The following OTOGL variants were observed in gnomAD, a reference collection of about 807,000 sequenced individuals.
OTOGL encodes otogelin-like protein.
Under a neutral mutation model 318.5 loss-of-function variants are expected in OTOGL, and 285 were observed. That is an observed-to-expected ratio of 0.89 (90% CI 0.81 to 0.99). The LOEUF (loss-of-function observed/expected upper bound fraction) is 0.99, where lower values mean the gene tolerates loss of function less well. OTOGL is among the 50% of genes least tolerant of loss of function. The probability of loss-of-function intolerance (pLI) is 0.00; values close to 1 mark genes in which losing one functional copy is unlikely to be tolerated. For synonymous variants in OTOGL, 987 were observed against 936.5 expected, an observed-to-expected ratio of 1.05 and a Z score of -0.99; for missense variants, 2,899 against 2,845.6, an observed-to-expected ratio of 1.02 and a Z score of -0.43.
chr12:80,114,846 C>T (rs558926599), intron 1 of OTOGL, among the ~76,000 whole-genome samples: 2 of 151,860 alleles, frequency 1.3e-5, no homozygotes, highest in African/African-American at 2.4e-5. Flanking sequence ...CTTGTCTTTA[C>T]ACTTTATTTC....
chr12:80,282,348 T>G (rs1186159086), intron 26 of OTOGL, among the ~76,000 whole-genome samples: 1 of 151,938 alleles, frequency 6.6e-6, no homozygotes. Context: ...AAAAAATGAA[T>G]AGTAAAATCT....
At chr12:80,304,541 A>G (rs1275343063) in intron 28 of OTOGL, among the ~76,000 whole-genome samples, 2 of 152,206 alleles carry the variant, frequency 1.3e-5, no homozygotes, top group African/African-American at 2.4e-5. Flanking sequence ...AAAGATTTTA[A>G]TATGTCATAA....
intron 19 of OTOGL, 110 bp downstream of exon 19, chr12:80,262,203 G>T: frequency 1.7e-6 from 2 of 1,143,622 alleles, no homozygotes; most frequent in Non-Finnish European, 2.3e-6. Flanking sequence ...TCTCCATTAT[G>T]GTAAAATCAA....
chr12:80,271,783 G>C lies in OTOGL; in HGVS notation c.2654G>C (p.Cys885Ser). ...MNFTCTPSSP[C>S]ISGCVCAPGM... Reference sequence around the variant, plus strand: ...TTCACCTGCACCCCATCCTCACCCTGTATAAGTGGCTGTGTTTGTGCTCCA... The same window carrying C: ...TTCACCTGCACCCCATCCTCACCCTCTATAAGTGGCTGTGTTTGTGCTCCA... The change falls in exon 24 of 59, where the codon TGT becomes TCT. Residue 885 changes from cysteine (C) to serine (S), a missense_variant. This residue lies in a region of OTOGL where 2,607 missense variants were observed against 2,524.9 expected (regional missense o/e 1.03). Coordinates refer to ENST00000547103, the MANE Select transcript of OTOGL (RefSeq NM_001378609.3). The C allele has an allele frequency of 6.2e-7, 1 of 1,612,908 alleles. No individual in the cohort carries two copies. Among genetic ancestry groups the C allele is most frequent in the Non-Finnish European group, 8.5e-7 (1 of 1,179,342 alleles).
chr12:80,193,827 G>T (rs1457638913), intron 1 of OTOGL, among the ~76,000 whole-genome samples: 1 of 152,188 alleles, frequency 6.6e-6, no homozygotes, highest in Non-Finnish European at 1.5e-5. Flanking sequence ...ATTTTCCAAA[G>T]ATGGTTTCAG....
At chr12:80,366,777 T>A in intron 53 of OTOGL, 140 bp downstream of exon 53, 1 of 266,994 alleles carries the variant, frequency 3.7e-6, no homozygotes, top group East Asian at 6.5e-5. Context: ...TAAAAATGTG[T>A]TATTATGTTT....
intron 27 of OTOGL, among the ~76,000 whole-genome samples, chr12:80,299,088 A>C (rs1404490746): frequency 6.6e-6 from 1 of 152,192 alleles, no homozygotes; most frequent in African/African-American, 2.4e-5. Flanking sequence ...TGAAAACAAA[A>C]TTGACATTTT....
intron 26 of OTOGL, among the ~76,000 whole-genome samples, chr12:80,280,028 G>T (rs990159326): frequency 2.0e-5 from 3 of 151,590 alleles, no homozygotes; most frequent in Non-Finnish European, 2.9e-5. Context: ...TTATGGTTTT[G>T]ATTTGCATTT....
intron 1 of OTOGL, among the ~76,000 whole-genome samples, chr12:80,156,934 C>T (rs538773261): frequency 6.6e-6 from 1 of 152,158 alleles, no homozygotes; most frequent in South Asian, 2.1e-4. Flanking sequence ...ATACTGATTT[C>T]CTTTCTTTTG....
Position 80,328,623 on chromosome 12 carries a change from A to T in OTOGL, c.4200-42A>T, listed in dbSNP as rs12825060. On this transcript the variant is annotated intron_variant, in intron 35 of 58. Coordinates refer to ENST00000547103, the MANE Select transcript of OTOGL (RefSeq NM_001378609.3). Reference sequence around the variant, plus strand: ...TGTAGTCCTTTTTTTTTTGTATTTCAAACTTTTCTTCACTTTGATTTACTC... The same window carrying T: ...TGTAGTCCTTTTTTTTTTGTATTTCTAACTTTTCTTCACTTTGATTTACTC... 0.044 allele frequency: 62,339 copies of T among 1,424,044 alleles called. 5,431 individuals carry two copies. The highest frequency in any genetic ancestry group is 0.34 in the African/African-American group (23,791 of 69,330). The allele number at this position is 1,424,044 out of a possible 1,614,324, so 88.2% of individuals were successfully genotyped here. A position where few individuals can be genotyped will look rare whatever the true frequency, so the allele number is the denominator to read the frequency against.
At chr12:80,115,902 C>A (rs942378397) in intron 1 of OTOGL, among the ~76,000 whole-genome samples, 1 of 152,188 alleles carries the variant, frequency 6.6e-6, no homozygotes, top group Non-Finnish European at 1.5e-5. Context: ...CCCCTCCCCC[C>A]ACCAAGCTTC....
chr12:80,228,504 A>C lies in OTOGL; in HGVS notation c.490-753A>C, dbSNP rs151178476. Among the ~76,000 whole-genome samples the C allele has an allele frequency of 3.0e-3, 457 of 152,210 alleles. 5 individuals carry two copies. Among genetic ancestry groups the C allele is most frequent in the African/African-American group, 0.01 (424 of 41,536 alleles). ...CCCCAAAACAAAACCAAACCAAACA[A>C]AAAACCCGTATATTATTGACAATTT... is the stretch of plus-strand genomic sequence containing the variant. On this transcript the variant is annotated intron_variant, in intron 7 of 58. Coordinates refer to ENST00000547103, the MANE Select transcript of OTOGL (RefSeq NM_001378609.3).
In OTOGL at chr12:80,211,742, C is replaced by T. The variant is rs550796341; in HGVS notation, c.120-207C>T. Reference sequence around the variant, plus strand: ...AGACTGGAGAAATTTGGGGACACTTCTGAATTTTGTAAAATGAGACAGCAC... The same window carrying T: ...AGACTGGAGAAATTTGGGGACACTTTTGAATTTTGTAAAATGAGACAGCAC... On this transcript the variant is annotated intron_variant, in intron 3 of 58. Transcript: ENST00000547103. Among the ~76,000 whole-genome samples the T allele has an allele frequency of 4.4e-4, 67 of 152,238 alleles. No homozygotes were observed. In the South Asian group the frequency reaches 0.013, roughly 29 times the overall value.
At chr12:80,291,443 A>G (rs2137682180) in intron 26 of OTOGL, among the ~76,000 whole-genome samples, 1 of 152,310 alleles carries the variant, frequency 6.6e-6, no homozygotes, top group African/African-American at 2.4e-5. Flanking sequence ...ACCTTTTAAA[A>G]GCCTCTTGAG....
Position 80,186,325 on chromosome 12 carries a change from T to C in OTOGL, c.-19-23088T>C, listed in dbSNP as rs150966958. On this transcript the variant is annotated intron_variant, in intron 1 of 58. Transcript: ENST00000547103. ...TCCATTAAAGTCCATCTTTCCTACT[T>C]AGCCGCGTCTCTCCCATCAGGTGTC... 1.8e-3 allele frequency among the ~76,000 whole-genome samples: 276 copies of C among 152,296 alleles called. 2 individuals carry two copies. The highest frequency in any genetic ancestry group is 6.5e-3 in the African/African-American group (270 of 41,562).
chr12:80,134,685 T>C lies in OTOGL; in HGVS notation c.-20+35080T>C, dbSNP rs73148377. On this transcript the variant is annotated intron_variant, in intron 1 of 58. Coordinates refer to ENST00000547103, the MANE Select transcript of OTOGL (RefSeq NM_001378609.3). The stretch of plus-strand genomic sequence containing the variant: ...AAGTGAGGACCTGCATTCTGCTTCT[T>C]GGCAACAATCCTCCCCCTTTCCCAC... 7.2e-3 allele frequency among the ~76,000 whole-genome samples: 1,098 copies of C among 152,336 alleles called. 8 individuals carry two copies. The highest frequency in any genetic ancestry group is 0.017 in the South Asian group (82 of 4,828).
At chr12:80,277,488 G>A (rs1328392205) in intron 24 of OTOGL, among the ~76,000 whole-genome samples, 1 of 146,596 alleles carries the variant, frequency 6.8e-6, no homozygotes, top group Non-Finnish European at 1.5e-5. Flanking sequence ...ATATTTAAAT[G>A]ATATATTAAT....
intron 22 of OTOGL, 148 bp downstream of exon 22, chr12:80,267,475 A>G: frequency 3.9e-6 from 1 of 253,702 alleles, no homozygotes; most frequent in Non-Finnish European, 6.7e-6. Context: ...GTATGTATAC[A>G]TGTGTGCCAT....
At chr12:80,251,871 C>T in intron 12 of OTOGL, 72 bp downstream of exon 12, 1 of 1,328,902 alleles carries the variant, frequency 7.5e-7, no homozygotes, top group East Asian at 2.5e-5. Flanking sequence ...TCAAAACTTA[C>T]TGTACTACTC....
Sources: gnomAD v4.1 joint callset for allele counts (sites outside exome capture counted in the v4.1 genomes callset) on GRCh38, gnomAD v4.1.1 for gene constraint, gnomAD v4.1.1 regional missense constraint, MANE v1.5 for transcripts, NCBI Gene and HGNC (gene_info 2026-07-23, HGNC 2026-07-21) for gene names.